Variants in GCLM observed in about 807,000 individuals in gnomAD.
GCLM encodes glutamate-cysteine ligase modifier subunit, also known as glutamate--cysteine ligase regulatory subunit.
In GCLM, 15 loss-of-function variants were observed where a neutral mutation model predicts 36.0. That is an observed-to-expected ratio of 0.42 (90% CI 0.28 to 0.64). The LOEUF (loss-of-function observed/expected upper bound fraction) is 0.64, where lower values mean the gene tolerates loss of function less well. Among genes scored for constraint, GCLM ranks in the 30% least tolerant of loss-of-function variants. The pLI is 0.25. For synonymous variants in GCLM, 129 were observed against 122.8 expected (o/e 1.05, Z -0.34); for missense variants, 242 against 325.5 (o/e 0.74, Z 1.97).
intron 4 of GCLM, among the ~76,000 whole-genome samples, chr1:93,897,502 T>C (rs1656774500): frequency 1.3e-5 from 2 of 150,722 alleles, no homozygotes; most frequent in Admixed American, 6.6e-5. Context: ...ACAGATATAC[T>C]TGGATTTTTT....
intron 3 of GCLM, among the ~76,000 whole-genome samples, chr1:93,899,052 G>A (rs560885970): frequency 4.2e-4 from 64 of 151,970 alleles, no homozygotes; most frequent in African/African-American, 1.5e-3. Context: ...ACTTAGGGGT[G>A]GCCTTGAACG....
intron 1 of GCLM, 41 bp from the exon 2 acceptor site, chr1:93,904,629 A>G (rs756804007): frequency 7.9e-7 from 1 of 1,264,398 alleles, no homozygotes; most frequent in South Asian, 1.2e-5. Context: ...ATCAAAGTCT[A>G]TATACTTTTC....
chr1:93,897,333 T>C (rs1656767317), intron 4 of GCLM, among the ~76,000 whole-genome samples: 1 of 152,182 alleles, frequency 6.6e-6, no homozygotes, highest in Non-Finnish European at 1.5e-5. Context: ...AATTTCTTAA[T>C]TCTATAAAAA....
Position 93,889,008 on chromosome 1 carries a change from A to G in GCLM, c.807T>C (p.Ala269=), listed in dbSNP as rs1399878424. The G allele has an allele frequency of 6.3e-7, 1 of 1,591,996 alleles. No homozygotes were observed. Among genetic ancestry groups the G allele is most frequent in the Non-Finnish European group, 8.5e-7 (1 of 1,170,386 alleles). The part of the protein sequence containing the change: ...IIKSKGYILQ[A]KRRGS ...AAGTCAGTTAAGAACCCCTTCTTTTAGCTTGTAAAATGTAGCCTTTTGATT... is the reference window on the plus strand; with the variant it reads ...AAGTCAGTTAAGAACCCCTTCTTTTGGCTTGTAAAATGTAGCCTTTTGATT... Residue 269 remains alanine, a synonymous_variant, in exon 7 of 7, where the codon GCT becomes GCC. Coordinates refer to ENST00000370238, the MANE Select transcript of GCLM (RefSeq NM_002061.4).
intron 3 of GCLM, among the ~76,000 whole-genome samples, chr1:93,898,248 A>G (rs1557729521): frequency 6.7e-6 from 1 of 149,556 alleles, no homozygotes; most frequent in Non-Finnish European, 1.5e-5. Flanking sequence ...ATATTCTCCA[A>G]TAAACCAAAA....
At position 93,888,361 on chromosome 1, in the gene GCLM, TAAAA is replaced by T. The variant is rs1324162660; in HGVS notation, c.*625_*628del. The T allele has an allele frequency of 6.6e-6, 1 of 152,242 alleles. No individual in the cohort carries two copies. Among genetic ancestry groups the T allele is most frequent in the East Asian group, 1.9e-4 (1 of 5,176 alleles). 9.4% of individuals were successfully genotyped at this position (152,242 alleles called of 1,614,324 possible). Reference sequence around the variant, plus strand: ...TACTTTGGTTTGTCTTTATAAGTAATAAAAAGACAGAATATGGCACAAGAATACA... The same window carrying T: ...TACTTTGGTTTGTCTTTATAAGTAATAGACAGAATATGGCACAAGAATACA... On this transcript the variant is annotated 3_prime_UTR_variant, in exon 7 of 7. Transcript: ENST00000370238.
intron 3 of GCLM, among the ~76,000 whole-genome samples, chr1:93,900,542 T>C (rs945605487): frequency 6.6e-6 from 1 of 152,232 alleles, no homozygotes; most frequent in South Asian, 2.1e-4. Flanking sequence ...ACTGGTTGTA[T>C]GACAACCTTC....
At chr1:93,906,572 G>A (rs578177458) in intron 1 of GCLM, among the ~76,000 whole-genome samples, 1 of 152,268 alleles carries the variant, frequency 6.6e-6, no homozygotes, top group African/African-American at 2.4e-5. Flanking sequence ...TCTGCAAAAT[G>A]TCAGGACAAA....
chr1:93,908,989 C>T, intron 1 of GCLM, 49 bp downstream of exon 1: 1 of 1,376,348 alleles, frequency 7.3e-7, no homozygotes, highest in Non-Finnish European at 9.4e-7. Context: ...CGCCCGGCCC[C>T]GCCCGAGGCC....
At chr1:93,898,947 C>T (rs190587268) in intron 3 of GCLM, among the ~76,000 whole-genome samples, 111 of 152,140 alleles carry the variant, frequency 7.3e-4, no homozygotes, top group Admixed American at 1.9e-3. Context: ...GTAGAAATAA[C>T]GAAGACCTAT....
chr1:93,908,378 T>C (rs1657221830), intron 1 of GCLM, among the ~76,000 whole-genome samples: 1 of 152,082 alleles, frequency 6.6e-6, no homozygotes, highest in African/African-American at 2.4e-5. Flanking sequence ...TTGTACATAT[T>C]TATGGGGCAC....
intron 1 of GCLM, among the ~76,000 whole-genome samples, chr1:93,907,902 C>T (rs933777233): frequency 3.9e-5 from 6 of 152,104 alleles, no homozygotes; most frequent in Non-Finnish European, 7.3e-5. Context: ...TGGTCTGTTA[C>T]CAACATCTCA....
chr1:93,900,986 C>G (rs1436192818), intron 3 of GCLM, among the ~76,000 whole-genome samples: 1 of 152,156 alleles, frequency 6.6e-6, no homozygotes, highest in East Asian at 1.9e-4. Context: ...AGCCTGTAAT[C>G]TGCACACCCC....
At chr1:93,908,401 G>A (rs201826617) in intron 1 of GCLM, among the ~76,000 whole-genome samples, 1 of 152,116 alleles carries the variant, frequency 6.6e-6, no homozygotes, top group East Asian at 1.9e-4. Context: ...GTGATATTCT[G>A]TTACATGCAT....
chr1:93,894,663 T>C lies in GCLM; in HGVS notation c.606A>G (p.Ala202=). The C allele has an allele frequency of 6.2e-7, 1 of 1,612,106 alleles. No homozygotes were observed. Among genetic ancestry groups the C allele is most frequent in the Non-Finnish European group, 8.5e-7 (1 of 1,178,302 alleles). The change falls in exon 6 of 7, where the codon GCA becomes GCG. Residue 202 remains alanine (A), a synonymous_variant. Coordinates refer to ENST00000370238, the MANE Select transcript of GCLM (RefSeq NM_002061.4). ...SCCVMPPDLT[A]FAKQFDIQLL... Reference sequence around the variant, plus strand: ...GCTGTATGTCAAATTGTTTAGCAAATGCAGTCAAATCTGGTGGCATCACAC... The same window carrying C: ...GCTGTATGTCAAATTGTTTAGCAAACGCAGTCAAATCTGGTGGCATCACAC...
At chr1:93,902,945 T>G (rs1203453139) in intron 2 of GCLM, among the ~76,000 whole-genome samples, 1 of 152,176 alleles carries the variant, frequency 6.6e-6, no homozygotes, top group African/African-American at 2.4e-5. Flanking sequence ...TATCATACAT[T>G]ATGTAGCTTT....
chr1:93,889,920 ATT>A (rs556290533), intron 6 of GCLM, among the ~76,000 whole-genome samples: 10 of 148,714 alleles, frequency 6.7e-5, no homozygotes, highest in Admixed American at 2.0e-4. Context: ...ATATATATAT[ATT>A]TTTTTTTGAG....
intron 3 of GCLM, among the ~76,000 whole-genome samples, chr1:93,899,352 C>T (rs1276192626): frequency 2.0e-5 from 3 of 152,114 alleles, no homozygotes; most frequent in Non-Finnish European, 4.4e-5. Flanking sequence ...GGATTACAGG[C>T]GTGAGCCACT....
intron 1 of GCLM, among the ~76,000 whole-genome samples, chr1:93,905,098 A>G (rs1324061495): frequency 1.3e-5 from 2 of 149,092 alleles, no homozygotes; most frequent in African/African-American, 5.0e-5. Context: ...GCTTGAACCC[A>G]GGAGGTGGAG....
Sources: allele counts gnomAD v4.1 joint callset (sites outside exome capture counted in the v4.1 genomes callset), GRCh38; gene constraint gnomAD v4.1.1; transcripts MANE v1.5; gene names NCBI Gene and HGNC (gene_info 2026-07-23, HGNC 2026-07-21).